Variants in PAH observed in about 807,000 individuals in gnomAD.
PAH encodes phenylalanine hydroxylase.
A neutral mutation model predicts 62.0 loss-of-function variants in PAH; 64 were observed. The ratio of observed to expected loss-of-function variants is 1.03; its 90% CI spans 0.84 to 1.27. PAH has a LOEUF of 1.27. Among genes scored for constraint, PAH ranks in the 50% most tolerant of loss-of-function variants. The pLI, the probability that PAH is intolerant of heterozygous loss-of-function variation, is 0.00. For synonymous variants in PAH, 195 were observed against 196.2 expected, an observed-to-expected ratio of 0.99 and a Z score of 0.05; for missense variants, 579 against 542.8, an observed-to-expected ratio of 1.07 and a Z score of -0.66.
chr12:102,909,817 G>C (rs1327854645), intron 2 of PAH, among the ~76,000 whole-genome samples: 1 of 152,074 alleles, frequency 6.6e-6, no homozygotes, highest in Non-Finnish European at 1.5e-5. Flanking sequence ...AAATTAGCTG[G>C]GCATGGTGGC....
intron 11 of PAH, among the ~76,000 whole-genome samples, chr12:102,841,452 C>A (rs865921844): frequency 7.9e-5 from 12 of 152,214 alleles, no homozygotes; most frequent in African/African-American, 2.6e-4. Context: ...GGGCTGAAAC[C>A]CTGCCTCTGT....
upstream of PAH, among the ~76,000 whole-genome samples, chr12:102,920,544 A>G (rs1878525258): frequency 6.6e-6 from 1 of 152,204 alleles, no homozygotes; most frequent in Non-Finnish European, 1.5e-5. Context: ...AGGTTGAGTT[A>G]ATCATAATCC....
chr12:102,855,278 G>A lies in PAH; in HGVS notation c.564C>T (p.Gly188=), dbSNP rs777274367. 6.2e-7 allele frequency: 1 copy of A among 1,614,070 alleles called. No homozygotes were observed. The highest frequency in any genetic ancestry group is 8.5e-7 in the Non-Finnish European group (1 of 1,179,948). The change falls in exon 6 of 13, where the codon GGC becomes GGT. Residue 188 remains glycine (G), a synonymous_variant. Transcript: ENST00000553106. Reference sequence around the variant, plus strand: ...AGGACTTCAGAGTCTTGAACACTGTGCCCCATGTTTTCTTTTCTTCCTCCA... The same window carrying A: ...AGGACTTCAGAGTCTTGAACACTGTACCCCATGTTTTCTTTTCTTCCTCCA... ...EYMEEEKKTW[G]TVFKTLKSLY... is the part of the protein sequence containing the mutation.
intron 2 of PAH, among the ~76,000 whole-genome samples, chr12:102,902,259 C>T (rs146011316): frequency 5.8e-4 from 89 of 152,196 alleles, no homozygotes; most frequent in African/African-American, 2.0e-3. Flanking sequence ...GAGCAGGAAG[C>T]GGGGGTGTGA....
chr12:102,871,124 C>G (rs929664359), intron 4 of PAH, among the ~76,000 whole-genome samples: 3 of 152,204 alleles, frequency 2.0e-5, no homozygotes, highest in African/African-American at 7.2e-5. Flanking sequence ...CCCTCCACTT[C>G]ATCCCAAATT....
intron 1 of PAH, among the ~76,000 whole-genome samples, chr12:102,926,325 G>T (rs913106916): frequency 6.6e-6 from 1 of 152,008 alleles, no homozygotes; most frequent in Non-Finnish European, 1.5e-5. Context: ...GCTAGGGGAA[G>T]GGATTTCTGG....
chr12:102,852,881 G>A lies in PAH; in HGVS notation c.776C>T (p.Ala259Val), dbSNP rs118203921. Reference protein sequence around the residue: ...LSSRDFLGGLAFRVFHCTQYI... With the variant: ...LSSRDFLGGLVFRVFHCTQYI... ...CTGTGTGCAGTGGAAGACTCGGAAGGCCAGGCCACCCAAGAAATCCCGAGA... is the reference window on the plus strand; with the variant it reads ...CTGTGTGCAGTGGAAGACTCGGAAGACCAGGCCACCCAAGAAATCCCGAGA... Residue 259 changes from alanine (A) to valine (V), a missense_variant, in exon 7 of 13, where the codon GCC becomes GTC. Physicochemically the swap from Ala to Val is moderately conservative, Grantham distance 64 (BLOSUM62 0). Transcript: ENST00000553106. 4 of 1,613,982 alleles carry A rather than the reference G, an allele frequency of 2.5e-6. No homozygotes were observed. Among genetic ancestry groups the A allele is most frequent in the African/African-American group, 2.7e-5 (2 of 74,896 alleles).
chr12:102,924,189 TC>T (rs1162361942), intron 1 of PAH, among the ~76,000 whole-genome samples: 2 of 152,222 alleles, frequency 1.3e-5, no homozygotes, highest in Admixed American at 6.5e-5. Context: ...TTTGTTTTAG[TC>T]TTCTGGTTTG....
intron 3 of PAH, among the ~76,000 whole-genome samples, chr12:102,879,477 A>G (rs1286821933): frequency 1.3e-5 from 2 of 151,656 alleles, no homozygotes; most frequent in Non-Finnish European, 2.9e-5. Context: ...AAACAAGGAG[A>G]GCTGATTCCA....
At chr12:102,940,132 C>T (rs1879241293) in intron 1 of PAH, among the ~76,000 whole-genome samples, 1 of 152,172 alleles carries the variant, frequency 6.6e-6, no homozygotes, top group African/African-American at 2.4e-5. Flanking sequence ...AAAGACAGAC[C>T]CTGCACAAAG....
At chr12:102,897,463 G>GTATATATATA (rs1298377232) in intron 2 of PAH, among the ~76,000 whole-genome samples, 5 of 105,584 alleles carry the variant, frequency 4.7e-5, no homozygotes, top group African/African-American at 1.7e-4. Flanking sequence ...GTGTGTGTGT[G>GTATATATATA]TGTATATATA....
intron 10 of PAH, 65 bp downstream of exon 10, chr12:102,844,271 G>T: frequency 3.6e-6 from 4 of 1,124,112 alleles, no homozygotes; most frequent in Non-Finnish European, 4.1e-6. Flanking sequence ...AATATTGAAA[G>T]CACAATAATG....
intron 11 of PAH, among the ~76,000 whole-genome samples, chr12:102,843,164 C>T (rs1874663800): frequency 6.6e-6 from 1 of 152,120 alleles, no homozygotes; most frequent in African/African-American, 2.4e-5. Context: ...TGGAGCTTAC[C>T]TTATGTAATA....
rs142597174 is a variant in PAH, at chr12:102,897,379, C to T, written c.169-2461G>A. ...TCTTTTATGAATTATCAGTTTATAC[C>T]ATTTTCTTATTATAGAGATTTTTTA... is the stretch of plus-strand genomic sequence containing the variant. On this transcript the variant is annotated intron_variant, in intron 2 of 12. Transcript: ENST00000553106. Among the ~76,000 whole-genome samples, 63 of 150,048 alleles carry T rather than the reference C, an allele frequency of 4.2e-4. No individual in the cohort carries two copies. In the East Asian group the frequency reaches 0.011, roughly 27 times the overall value.
chr12:102,847,026 A>T, intron 8 of PAH, 75 bp from the exon 9 acceptor site: 1 of 1,274,368 alleles, frequency 7.8e-7, no homozygotes, highest in Non-Finnish European at 1.1e-6. Context: ...ACTTGGCCAT[A>T]AAAAGGTGAT....
intron 12 of PAH, among the ~76,000 whole-genome samples, chr12:102,840,032 A>C (rs2136631492): frequency 6.6e-6 from 1 of 152,324 alleles, no homozygotes; most frequent in Admixed American, 6.5e-5. Flanking sequence ...CCAACAGATG[A>C]GCCACTGGAC....
At chr12:102,897,489 ATAT>A (rs549893101) in intron 2 of PAH, among the ~76,000 whole-genome samples, 3 of 140,384 alleles carry the variant, frequency 2.1e-5, no homozygotes, top group African/African-American at 9.0e-5. Flanking sequence ...ATATATATAT[ATAT>A]AATTCAAACT....
intron 5 of PAH, among the ~76,000 whole-genome samples, chr12:102,858,692 T>C (rs1875560402): frequency 6.6e-6 from 1 of 152,090 alleles, no homozygotes; most frequent in African/African-American, 2.4e-5. Context: ...CTCAACTACA[T>C]GGAAACTGAA....
chr12:102,849,295 T>C (rs927787995), intron 8 of PAH, among the ~76,000 whole-genome samples: 5 of 152,178 alleles, frequency 3.3e-5, no homozygotes, highest in African/African-American at 1.2e-4. Context: ...AAAGCTGTGC[T>C]GGAGAAGGTT....
Sources: allele counts gnomAD v4.1 joint callset (sites outside exome capture counted in the v4.1 genomes callset), GRCh38; gene constraint gnomAD v4.1.1; transcripts MANE v1.5; gene names NCBI Gene and HGNC (gene_info 2026-07-23, HGNC 2026-07-21).